RHCE: variants seen among roughly 807,000 people sequenced by gnomAD.
RHCE encodes Rh blood group CcEe antigens.
A neutral mutation model predicts 43.8 loss-of-function variants in RHCE; 22 were observed. The observed-to-expected ratio is 0.50, with a 90% CI of 0.36 to 0.72. The LOEUF (loss-of-function observed/expected upper bound fraction) is 0.72, where lower values mean the gene tolerates loss of function less well. Ranked by LOEUF, RHCE falls within the 30% of genes least tolerant of loss-of-function variation. The pLI is 0.00. For missense variants in RHCE, 385 were observed against 525.4 expected (o/e 0.73, Z 2.61); for synonymous variants, 156 against 210.7 (o/e 0.74, Z 2.25).
intron 2 of RHCE, among the ~76,000 whole-genome samples, chr1:25,406,665 G>A (rs1281889085): frequency 1.9e-5 from 2 of 106,430 alleles, no homozygotes; most frequent in African/African-American, 2.9e-5. Flanking sequence ...TCGCTCTGTC[G>A]CCCAGGCTAG....
intron 3 of RHCE, among the ~76,000 whole-genome samples, chr1:25,397,269 G>A (rs1246844276): frequency 3.3e-5 from 5 of 149,752 alleles, no homozygotes; most frequent in Non-Finnish European, 7.4e-5. Context: ...GGCCAAGGCG[G>A]GTGGATCACC....
intron 3 of RHCE, among the ~76,000 whole-genome samples, chr1:25,392,856 C>T (rs1646422495): frequency 6.6e-6 from 1 of 152,108 alleles, no homozygotes; most frequent in Non-Finnish European, 1.5e-5. Flanking sequence ...AGCCACCACG[C>T]CCGGCCTATC....
chr1:25,386,696 C>T (rs1046224970), intron 6 of RHCE, among the ~76,000 whole-genome samples: 15 of 152,198 alleles, frequency 9.9e-5, no homozygotes, highest in Admixed American at 9.8e-4. Flanking sequence ...GTGGAGGGCG[C>T]CTGTAGTCCC....
chr1:25,426,663 A>G (rs966780113), intron 2 of RHCE, among the ~76,000 whole-genome samples: 1 of 152,244 alleles, frequency 6.6e-6, no homozygotes, highest in Non-Finnish European at 1.5e-5. Flanking sequence ...ATCATCCTCC[A>G]TGCCACACTG....
chr1:25,362,624 C>G (rs545069742), intron 9 of RHCE, 71 bp from the exon 10 acceptor site: 5 of 989,590 alleles, frequency 5.1e-6, no homozygotes, highest in Non-Finnish European at 7.7e-6. Context: ...TCTCTTGAAA[C>G]AGCCTAAATG....
At chr1:25,399,233 T>C (rs894543310) in intron 3 of RHCE, 8 of 795,916 alleles carry the variant, frequency 1.0e-5, no homozygotes, top group Admixed American at 1.8e-5. Flanking sequence ...AGAATTGATG[T>C]ATGCCTCTTT....
chr1:25,373,908 C>T (rs1645694476), intron 8 of RHCE, among the ~76,000 whole-genome samples: 1 of 151,072 alleles, frequency 6.6e-6, no homozygotes. Flanking sequence ...ATAACCTCCA[C>T]CTCCTGGGGT....
rs2375321 is a variant in RHCE, at chr1:25,394,695, T to C, written c.487-2554A>G. 6.6e-5 allele frequency among the ~76,000 whole-genome samples: 10 copies of C among 152,270 alleles called. No individual in the cohort carries two copies. In the East Asian group the frequency reaches 1.9e-3, roughly 29 times the overall value. On this transcript the variant is annotated intron_variant, in intron 3 of 9. Coordinates refer to ENST00000294413, the MANE Select transcript of RHCE (RefSeq NM_020485.8). The stretch of plus-strand genomic sequence containing the variant: ...AAATACCAAATAAATATCTGTGAAG[T>C]GAACAAATGATGGTAAAAAGCCCTC...
intron 3 of RHCE, among the ~76,000 whole-genome samples, chr1:25,401,341 T>G (rs1646733349): frequency 6.6e-6 from 1 of 152,182 alleles, no homozygotes; most frequent in African/African-American, 2.4e-5. Context: ...AGAGCTGGGA[T>G]GCACACCCCA....
upstream of RHCE, among the ~76,000 whole-genome samples, chr1:25,424,959 G>A (rs1321062126): frequency 6.6e-6 from 1 of 151,958 alleles, no homozygotes; most frequent in African/African-American, 2.4e-5. Flanking sequence ...TGGGACTACA[G>A]GCATGAGCCA....
chr1:25,415,588 G>T (rs1434788436), intron 1 of RHCE, among the ~76,000 whole-genome samples: 2 of 152,076 alleles, frequency 1.3e-5, no homozygotes, highest in Non-Finnish European at 2.9e-5. Flanking sequence ...GGAGGCGGAG[G>T]TTGCGGTGAG....
intron 7 of RHCE, among the ~76,000 whole-genome samples, chr1:25,379,188 G>A (rs968796091): frequency 4.0e-5 from 6 of 151,636 alleles, no homozygotes; most frequent in African/African-American, 7.3e-5. Flanking sequence ...GGTATCACAT[G>A]GCAAGAGGGC....
rs375916873 is a variant in RHCE at position 25,408,282 on chromosome 1, C to T, written c.335+401G>A. On this transcript the variant is annotated intron_variant, in intron 2 of 9. Coordinates refer to ENST00000294413, the MANE Select transcript of RHCE (RefSeq NM_020485.8). ...AGCCTGGGCAACAAAAGCGAAACTC[C>T]GTCTCAAAAAAGAAAAAAAAAAAAT... Among the ~76,000 whole-genome samples the T allele has an allele frequency of 2.6e-5, 3 of 117,440 alleles. 1 individual carries two copies. The highest frequency in any genetic ancestry group is 5.7e-5 in the Non-Finnish European group (3 of 52,718). 77.0% of individuals were successfully genotyped at this position (117,440 alleles called of 152,430 possible).
At chr1:25,416,625 A>T (rs1189223028) in intron 1 of RHCE, among the ~76,000 whole-genome samples, 21 of 148,776 alleles carry the variant, frequency 1.4e-4, no homozygotes, top group Non-Finnish European at 2.4e-4. Context: ...AAATATTTTC[A>T]TTTTTTTTTG....
Position 25,412,713 on chromosome 1 carries a change from T to A in RHCE, c.149-3844A>T, listed in dbSNP as rs868758493. Among the ~76,000 whole-genome samples the A allele has an allele frequency of 4.0e-3, 487 of 121,092 alleles. 1 individual carries two copies. Among genetic ancestry groups the A allele is most frequent in the Non-Finnish European group, 5.2e-3 (325 of 62,228 alleles). The allele number at this position is 121,092 out of a possible 152,430, so 79.4% of individuals were successfully genotyped here. On this transcript the variant is annotated intron_variant, in intron 1 of 9. Transcript: ENST00000294413. ...CTAGGCGACAGAGGGAGACCCTTTT[T>A]TTAAAAAAAAAAAAAAAAAAAAAAA...
At chr1:25,429,836 T>G (rs1307045612) in intron 1 of RHCE, 1 of 152,084 alleles carries the variant, frequency 6.6e-6, no homozygotes, top group Non-Finnish European at 1.5e-5. Flanking sequence ...TCTTTTTATT[T>G]CTCTTAAAAA....
upstream of RHCE, chr1:25,420,946 C>G (rs1343363938): frequency 1.3e-5 from 19 of 1,444,732 alleles, no homozygotes; most frequent in South Asian, 2.2e-4. Flanking sequence ...GGAGTTAACA[C>G]GGAAGCAGAG....
chr1:25,427,318 A>C (rs2042811677), intron 2 of RHCE, among the ~76,000 whole-genome samples: 1 of 152,224 alleles, frequency 6.6e-6, no homozygotes, highest in African/African-American at 2.4e-5. Flanking sequence ...AGAAAGTCCC[A>C]GAAGGAGGGA....
Position 25,389,199 on chromosome 1 carries a change from G to A in RHCE, c.802-86C>T. ...CAAGTGACCAGCACGCTGGGAACAA[G>A]GCAACCCTGTAACATCCTCCCTGCT... On this transcript the variant is annotated intron_variant, in intron 5 of 9. Transcript: ENST00000294413. The A allele has an allele frequency of 2.7e-6, 4 of 1,487,400 alleles. No individual in the cohort carries two copies. In the South Asian group the frequency reaches 3.5e-5, roughly 13 times the overall value. 92.1% of individuals were successfully genotyped at this position (1,487,400 alleles called of 1,614,324 possible).
Sources: allele counts gnomAD v4.1 joint callset (sites outside exome capture counted in the v4.1 genomes callset), GRCh38; gene constraint gnomAD v4.1.1; transcripts MANE v1.5; gene names NCBI Gene and HGNC (gene_info 2026-07-23, HGNC 2026-07-21).